NRXN3: variants seen among roughly 807,000 people sequenced by gnomAD.
The protein encoded by NRXN3 is neurexin III.
NRXN3 carries 32 observed loss-of-function variants against 137.6 expected under a neutral mutation model. The ratio of observed to expected loss-of-function variants is 0.23; its 90% confidence interval spans 0.18 to 0.31. The LOEUF (loss-of-function observed/expected upper bound fraction) is 0.31. Among genes scored for constraint, NRXN3 ranks in the 10% least tolerant of loss-of-function variants. NRXN3 has a pLI of 1.00. For missense variants in NRXN3, 1,574 were observed against 2,062.5 expected (o/e 0.76, Z 4.59); for synonymous variants, 798 against 784.5 (o/e 1.02, Z -0.29).
intron 15 of NRXN3, among the ~76,000 whole-genome samples, chr14:79,323,246 T>TGTTTAGTACAACAA (rs879803389): frequency 1.2e-4 from 18 of 152,162 alleles, no homozygotes; most frequent in Non-Finnish European, 1.9e-4. Flanking sequence ...CTCACTATGT[T>TGTTTAGTACAACAA]GCCCAGGATG....
At chr14:78,813,736 T>C (rs764677027) in intron 10 of NRXN3, among the ~76,000 whole-genome samples, 5 of 152,136 alleles carry the variant, frequency 3.3e-5, no homozygotes, top group African/African-American at 1.2e-4. Context: ...TCTGTGACAC[T>C]CTTTAATGGA....
chr14:78,856,453 G>A (rs1224553387), intron 10 of NRXN3, among the ~76,000 whole-genome samples: 2 of 152,130 alleles, frequency 1.3e-5, no homozygotes, highest in African/African-American at 2.4e-5. Context: ...ATTCTAAAAT[G>A]TATATTGGGT....
chr14:78,630,597 C>CTTTTTTT (rs370862037), intron 4 of NRXN3, among the ~76,000 whole-genome samples: 227 of 127,652 alleles, frequency 1.8e-3, no homozygotes, highest in African/African-American at 3.1e-3. Flanking sequence ...TTCTTTCTTT[C>CTTTTTTT]TTTTTTTTTT....
intron 16 of NRXN3, among the ~76,000 whole-genome samples, chr14:79,498,041 A>G (rs1414424902): frequency 6.6e-6 from 1 of 152,002 alleles, no homozygotes; most frequent in Non-Finnish European, 1.5e-5. Context: ...CTCAGAAAAC[A>G]AACAAACAAA....
intron 10 of NRXN3, among the ~76,000 whole-genome samples, chr14:78,884,359 A>G (rs2152670366): frequency 6.6e-6 from 1 of 152,334 alleles, no homozygotes; most frequent in Admixed American, 6.5e-5. Flanking sequence ...GATAGCAATT[A>G]CCACCAACAA....
intron 4 of NRXN3, among the ~76,000 whole-genome samples, chr14:78,334,119 G>A (rs2081174159): frequency 6.6e-6 from 1 of 152,108 alleles, no homozygotes; most frequent in South Asian, 2.1e-4. Flanking sequence ...TGGAGGAGGA[G>A]ACAATTTACA....
intron 8 of NRXN3, among the ~76,000 whole-genome samples, chr14:78,800,093 C>T (rs899329421): frequency 6.6e-6 from 1 of 152,056 alleles, no homozygotes; most frequent in Non-Finnish European, 1.5e-5. Context: ...TTTGTATATG[C>T]GTGCACATAC....
intron 8 of NRXN3, among the ~76,000 whole-genome samples, chr14:78,779,509 C>CA (rs1175733394): frequency 6.6e-6 from 1 of 151,564 alleles, no homozygotes; most frequent in Non-Finnish European, 1.5e-5. Flanking sequence ...AAACAAAAAA[C>CA]AAAAAAACAG....
chr14:79,227,939 T>C (rs1398930639), intron 15 of NRXN3, among the ~76,000 whole-genome samples: 1 of 151,312 alleles, frequency 6.6e-6, no homozygotes, highest in Non-Finnish European at 1.5e-5. Flanking sequence ...GTTAAAAAGA[T>C]GCCAGTGACA....
intron 19 of NRXN3, among the ~76,000 whole-genome samples, chr14:79,724,398 C>T (rs1167898280): frequency 6.6e-6 from 1 of 152,074 alleles, no homozygotes; most frequent in African/African-American, 2.4e-5. Flanking sequence ...GTAATATATA[C>T]AATGATTTTC....
At chr14:79,301,911 G>A (rs1263989955) in intron 15 of NRXN3, among the ~76,000 whole-genome samples, 1 of 151,968 alleles carries the variant, frequency 6.6e-6, no homozygotes, top group African/African-American at 2.4e-5. Context: ...ATCCAGTCCT[G>A]ATTAGGGGAA....
chr14:78,372,942 A>G (rs546879185), intron 4 of NRXN3, among the ~76,000 whole-genome samples: 1 of 152,228 alleles, frequency 6.6e-6, no homozygotes, highest in Non-Finnish European at 1.5e-5. Context: ...TAGTAGGGCA[A>G]GAAACGTAGG....
intron 16 of NRXN3, among the ~76,000 whole-genome samples, chr14:79,576,848 A>C (rs1372123451): frequency 6.6e-6 from 1 of 152,190 alleles, no homozygotes; most frequent in Non-Finnish European, 1.5e-5. Context: ...TTCAGTAGTT[A>C]TCAATATTTC....
At chr14:78,352,429 C>A (rs1171463610) in intron 4 of NRXN3, among the ~76,000 whole-genome samples, 1 of 151,890 alleles carries the variant, frequency 6.6e-6, no homozygotes, top group Non-Finnish European at 1.5e-5. Flanking sequence ...CAACACTTTA[C>A]CCTGCCCCCA....
At chr14:79,066,588 T>C (rs185209915) in intron 15 of NRXN3, among the ~76,000 whole-genome samples, 50 of 152,322 alleles carry the variant, frequency 3.3e-4, no homozygotes, top group African/African-American at 1.2e-3. Flanking sequence ...GTATGGCCAT[T>C]TTCATGATAT....
chr14:78,897,663 C>T (rs577846759), intron 10 of NRXN3, among the ~76,000 whole-genome samples: 1 of 152,068 alleles, frequency 6.6e-6, no homozygotes, highest in East Asian at 1.9e-4. Context: ...CACCTCCACT[C>T]TGTCCTGGCC....
intron 4 of NRXN3, among the ~76,000 whole-genome samples, chr14:78,516,989 T>C (rs1014517106): frequency 4.6e-5 from 7 of 152,184 alleles, no homozygotes; most frequent in African/African-American, 7.2e-5. Flanking sequence ...GATTATATTA[T>C]GTTGAATCCA....
At chr14:78,191,519 C>T (rs974919848) in intron 1 of NRXN3, among the ~76,000 whole-genome samples, 1 of 152,142 alleles carries the variant, frequency 6.6e-6, no homozygotes, top group African/African-American at 2.4e-5. Context: ...CCAGGGAGGA[C>T]CCCTGCAGGC....
rs1170126511 is a variant in NRXN3, at chr14:78,772,900, T to G, written c.2045-30720T>G. On this transcript the variant is annotated intron_variant, in intron 8 of 20. Transcript: ENST00000335750. ...AAAACAAACTTCTACCCCTAAACAT[T>G]CTAACTCGGAGGAAGTTCTTTTCCC... is the stretch of plus-strand genomic sequence containing the variant. 2.0e-5 allele frequency among the ~76,000 whole-genome samples: 3 copies of G among 152,218 alleles called. No homozygotes were observed. The East Asian group carries it at 5.8e-4, about 29-fold the overall frequency.
Sources: gnomAD v4.1 joint callset for allele counts (sites outside exome capture counted in the v4.1 genomes callset) on GRCh38, gnomAD v4.1.1 for gene constraint, MANE v1.5 for transcripts, NCBI Gene and HGNC (gene_info 2026-07-23, HGNC 2026-07-21) for gene names.